Variants in CABLES1 observed in about 807,000 individuals in gnomAD.
CABLES1 encodes Cdk5 and Abl enzyme substrate 1.
A neutral mutation model predicts 57.8 loss-of-function variants in CABLES1; 36 were observed. The observed-to-expected ratio is 0.62, with a 90% confidence interval of 0.48 to 0.82. CABLES1 has a LOEUF of 0.82. Among genes scored for constraint, CABLES1 ranks in the 40% least tolerant of loss-of-function variants. The pLI, the probability that CABLES1 is intolerant of heterozygous loss-of-function variation, is 0.00. For synonymous variants in CABLES1, 374 were observed against 363.0 expected (o/e 1.03, Z -0.35); for missense variants, 767 against 836.6 (o/e 0.92, Z 1.03).
intron 1 of CABLES1, among the ~76,000 whole-genome samples, chr18:23,150,269 C>T (rs1370021364): frequency 1.1e-4 from 14 of 129,124 alleles, no homozygotes; most frequent in African/African-American, 3.7e-4. Context: ...AGTGCAGTGG[C>T]GCGATCTTGG....
intron 1 of CABLES1, chr18:23,155,792 G>A (rs12454127): frequency 4.5e-6 from 7 of 1,556,884 alleles, no homozygotes; most frequent in Non-Finnish European, 6.0e-6. Context: ...TTGAGTCTTA[G>A]GTTTGGTCTC....
At chr18:23,246,548 C>T (rs74880460) in intron 7 of CABLES1, among the ~76,000 whole-genome samples, 83,253 of 151,074 alleles carry the variant, frequency 0.55, 24,682 homozygotes, top group African/African-American at 0.79. Context: ...CCCGCCACCA[C>T]ACCCGGCTAA....
chr18:23,217,782 G>A (rs999584993), intron 4 of CABLES1, among the ~76,000 whole-genome samples: 1 of 152,224 alleles, frequency 6.6e-6, no homozygotes, highest in African/African-American at 2.4e-5. Flanking sequence ...TTTCCACAGT[G>A]GAAAATTCCT....
chr18:23,227,657 C>T (rs1281523025), intron 4 of CABLES1, among the ~76,000 whole-genome samples: 1 of 152,168 alleles, frequency 6.6e-6, no homozygotes, highest in African/African-American at 2.4e-5. Flanking sequence ...GGCAGCTGCA[C>T]TGTATCGGAA....
upstream of CABLES1, chr18:23,134,808 T>C (rs2046805357): frequency 6.6e-6 from 1 of 152,298 alleles, no homozygotes; most frequent in South Asian, 2.1e-4. Flanking sequence ...CGTGAGTTCG[T>C]TGGCCACATG....
intron 7 of CABLES1, among the ~76,000 whole-genome samples, chr18:23,246,472 A>G (rs1005717010): frequency 9.9e-5 from 15 of 151,894 alleles, no homozygotes; most frequent in South Asian, 2.1e-4. Context: ...GCTCACTGCA[A>G]GCTCCGCCTC....
intron 1 of CABLES1, among the ~76,000 whole-genome samples, chr18:23,180,647 C>T (rs1171253839): frequency 3.3e-5 from 5 of 152,188 alleles, no homozygotes; most frequent in African/African-American, 1.2e-4. Flanking sequence ...GTAGCTGAGA[C>T]TGCCGGTGCA....
At chr18:23,253,329 A>G (rs1324838176) in intron 8 of CABLES1, among the ~76,000 whole-genome samples, 1 of 152,174 alleles carries the variant, frequency 6.6e-6, no homozygotes, top group Non-Finnish European at 1.5e-5. Flanking sequence ...CTAAAAATTT[A>G]AAAATTAGCC....
intron 4 of CABLES1, among the ~76,000 whole-genome samples, chr18:23,218,632 C>T (rs1471379882): frequency 7.8e-6 from 1 of 128,566 alleles, no homozygotes; most frequent in Admixed American, 7.7e-5. Context: ...CCTCACTTGC[C>T]CTGCCTCCCG....
intron 9 of CABLES1, among the ~76,000 whole-genome samples, chr18:23,256,950 G>T (rs756536923): frequency 6.6e-6 from 1 of 152,150 alleles, no homozygotes; most frequent in Non-Finnish European, 1.5e-5. Flanking sequence ...ATAGAGATAC[G>T]GAGCATGAAC....
chr18:23,222,444 T>C (rs902273186), intron 4 of CABLES1, among the ~76,000 whole-genome samples: 1 of 152,052 alleles, frequency 6.6e-6, no homozygotes, highest in Non-Finnish European at 1.5e-5. Context: ...TCTGGTTTTA[T>C]GTGTTGGGTG....
Position 23,223,397 on chromosome 18 carries a change from A to G in CABLES1, c.1088+9343A>G, listed in dbSNP as rs564876646. 8.3e-4 allele frequency among the ~76,000 whole-genome samples: 126 copies of G among 151,914 alleles called. 1 individual carries two copies. The highest frequency in any genetic ancestry group is 1.4e-3 in the Non-Finnish European group (98 of 67,946). ...GTTTGAGACCAGCCTGGCCGACATG[A>G]TGAAACCCCGTCTCTACTAAAATAC... On this transcript the variant is annotated intron_variant, in intron 4 of 9. Coordinates refer to ENST00000256925, the MANE Select transcript of CABLES1 (RefSeq NM_001100619.3).
At chr18:23,200,795 C>T (rs746409462) in intron 3 of CABLES1, among the ~76,000 whole-genome samples, 3 of 152,212 alleles carry the variant, frequency 2.0e-5, no homozygotes, top group African/African-American at 7.2e-5. Context: ...TCCTCACTAT[C>T]GCATGTCCCT....
chr18:23,196,182 C>T (rs1250869184), intron 3 of CABLES1, among the ~76,000 whole-genome samples: 1 of 152,210 alleles, frequency 6.6e-6, no homozygotes, highest in African/African-American at 2.4e-5. Context: ...CAGCAAAGCC[C>T]GCAATTGCTG....
At chr18:23,227,644 G>A (rs975652460) in intron 4 of CABLES1, among the ~76,000 whole-genome samples, 2 of 152,182 alleles carry the variant, frequency 1.3e-5, no homozygotes, top group Non-Finnish European at 2.9e-5. Flanking sequence ...CCTGGTCCAA[G>A]ATGGCAGCTG....
chr18:23,227,608 CCTT>C (rs984339707), intron 4 of CABLES1, among the ~76,000 whole-genome samples: 5 of 152,120 alleles, frequency 3.3e-5, no homozygotes, highest in African/African-American at 1.2e-4. Context: ...TCTGGAGGCA[CCTT>C]CTGCTTGATG....
In CABLES1 at chr18:23,203,320, T is replaced by C. The variant is rs547611194; in HGVS notation, c.1010+8780T>C. 2.8e-4 allele frequency among the ~76,000 whole-genome samples: 43 copies of C among 152,246 alleles called. No homozygotes were observed. In the South Asian group the frequency reaches 7.9e-3, roughly 28 times the overall value. ...TTCATTGTGAACAGGTAGAGAAATG[T>C]CCTCAGCAGTAAGTCGACTGAGCTA... On this transcript the variant is annotated intron_variant, in intron 3 of 9. Coordinates refer to ENST00000256925, the MANE Select transcript of CABLES1 (RefSeq NM_001100619.3).
intron 3 of CABLES1, among the ~76,000 whole-genome samples, chr18:23,203,631 T>C (rs1362730159): frequency 6.6e-6 from 1 of 152,190 alleles, no homozygotes; most frequent in Non-Finnish European, 1.5e-5. Flanking sequence ...AAGACCTTGT[T>C]TGTGATCTCA....
chr18:23,228,655 A>T (rs1485975186), intron 4 of CABLES1, among the ~76,000 whole-genome samples: 1 of 70,396 alleles, frequency 1.4e-5, no homozygotes, highest in Non-Finnish European at 2.9e-5. Context: ...TTTAATCCCC[A>T]CCCCCATCTT....
Sources: gnomAD v4.1 joint callset for allele counts (sites outside exome capture counted in the v4.1 genomes callset) on GRCh38, gnomAD v4.1.1 for gene constraint, MANE v1.5 for transcripts, NCBI Gene and HGNC (gene_info 2026-07-23, HGNC 2026-07-21) for gene names.